Variants in GNAQ observed in about 807,000 individuals in gnomAD.
GNAQ encodes the protein guanine nucleotide-binding protein G(q) subunit alpha.
GNAQ carries 8 observed loss-of-function variants against 43.9 expected under a neutral mutation model. The observed-to-expected ratio is 0.18, with a 90% CI of 0.11 to 0.33. GNAQ has a LOEUF of 0.33. GNAQ is among the 10% of genes least tolerant of loss of function. The pLI, the probability that GNAQ is intolerant of heterozygous loss-of-function variation, is 1.00. For synonymous variants in GNAQ, 155 were observed against 170.7 expected, an observed-to-expected ratio of 0.91 and a Z score of 0.71; for missense variants, 158 against 450.8, an observed-to-expected ratio of 0.35 and a Z score of 5.88.
chr9:77,770,670 T>G (rs750745556), intron 5 of GNAQ, among the ~76,000 whole-genome samples: 16 of 152,218 alleles, frequency 1.1e-4, no homozygotes, highest in Admixed American at 2.6e-4. Context: ...GCTTTTCCTC[T>G]TGGCTTAACC....
At chr9:77,904,318 T>C (rs560159957) in intron 2 of GNAQ, among the ~76,000 whole-genome samples, 22 of 15,426 alleles carry the variant, frequency 1.4e-3, no homozygotes, top group African/African-American at 5.6e-3. Context: ...TCACACCGGC[T>C]TTTTTTTTTT....
intron 5 of GNAQ, among the ~76,000 whole-genome samples, chr9:77,739,285 A>C (rs987870065): frequency 1.3e-5 from 2 of 152,204 alleles, no homozygotes; most frequent in African/African-American, 4.8e-5. Context: ...GTGAGGCTGA[A>C]GATTTTCCAA....
chr9:77,858,516 C>T (rs1029755680), intron 2 of GNAQ, among the ~76,000 whole-genome samples: 4 of 152,060 alleles, frequency 2.6e-5, no homozygotes, highest in Non-Finnish European at 5.9e-5. Context: ...CAATCTTCTG[C>T]TCTCAGTGGA....
intron 2 of GNAQ, among the ~76,000 whole-genome samples, chr9:77,904,064 G>C (rs1274921930): frequency 6.6e-6 from 1 of 152,144 alleles, no homozygotes; most frequent in Non-Finnish European, 1.5e-5. Context: ...TTTCTGGCAA[G>C]CTGGATCAGA....
chr9:77,728,530 G>A lies in GNAQ; in HGVS notation c.873C>T (p.Tyr291=), dbSNP rs1446494691. Residue 291 remains tyrosine (Y), a synonymous_variant, in exon 6 of 7, where the codon TAC becomes TAT. Transcript: ENST00000286548. ...EKIMYSHLVD[Y]FPEYDGPQRD... ...CTGACTTACCATCATATTCTGGGAA[G>A]TAGTCGACTAGATGGGAATACATGA... 1.0e-5 allele frequency: 16 copies of A among 1,604,640 alleles called. No individual in the cohort carries two copies. Among genetic ancestry groups the A allele is most frequent in the Non-Finnish European group, 1.1e-5 (13 of 1,172,652 alleles).
chr9:77,771,647 G>A (rs1170371124), intron 5 of GNAQ, among the ~76,000 whole-genome samples: 1 of 152,142 alleles, frequency 6.6e-6, no homozygotes, highest in Non-Finnish European at 1.5e-5. Flanking sequence ...GCAGGTCCCA[G>A]TGCAAAATAA....
rs1051753036 is a variant in GNAQ at position 77,799,577 on chromosome 9, C to T, written c.477-1929G>A. Among the ~76,000 whole-genome samples, 9 of 152,086 alleles carry T rather than the reference C, an allele frequency of 5.9e-5. 1 individual carries two copies. Among genetic ancestry groups the T allele is most frequent in the African/African-American group, 2.2e-4 (9 of 41,402 alleles). ...CAGTGGTATTTCTGTATGAATGATA[C>T]CCTTAAATTTGAAACTGAATGTAAA... is the stretch of plus-strand genomic sequence containing the variant. On this transcript the variant is annotated intron_variant, in intron 3 of 6. Transcript: ENST00000286548.
rs199997220 is a variant in GNAQ at position 77,875,894 on chromosome 9, GGGAGAAAATAAA to G, written c.321+46255_321+46266del. Among the ~76,000 whole-genome samples, 432 of 152,220 alleles carry G rather than the reference GGGAGAAAATAAA, an allele frequency of 2.8e-3. 8 individuals carry two copies. The highest frequency in any genetic ancestry group is 9.7e-3 in the African/African-American group (403 of 41,546). On this transcript the variant is annotated intron_variant, in intron 2 of 6. Transcript: ENST00000286548. ...AGAGGGGAGAGTTTTGCTGAAAAGA[GGGAGAAAATAAA>G]GGGGAAAAACCTACCTATGGAGAGG... is the stretch of plus-strand genomic sequence containing the variant.
chr9:77,758,086 A>C (rs1203821387), intron 5 of GNAQ, among the ~76,000 whole-genome samples: 1 of 152,232 alleles, frequency 6.6e-6, no homozygotes, highest in Non-Finnish European at 1.5e-5. Flanking sequence ...AAGTCAGAAA[A>C]AAGTTTATCT....
chr9:77,920,192 A>C (rs996244433), intron 2 of GNAQ, among the ~76,000 whole-genome samples: 2 of 152,150 alleles, frequency 1.3e-5, no homozygotes, highest in Non-Finnish European at 2.9e-5. Flanking sequence ...AATATTCTTC[A>C]ATGTGTTACA....
intron 2 of GNAQ, among the ~76,000 whole-genome samples, chr9:77,872,135 T>C (rs1241660171): frequency 6.6e-6 from 1 of 152,260 alleles, no homozygotes; most frequent in Non-Finnish European, 1.5e-5. Context: ...TTTTATTATA[T>C]GCTATTCAAT....
At chr9:78,026,074 T>C (rs1823976217) in intron 1 of GNAQ, among the ~76,000 whole-genome samples, 1 of 152,184 alleles carries the variant, frequency 6.6e-6, no homozygotes, top group South Asian at 2.1e-4. Flanking sequence ...TTTTCTTTTT[T>C]AATGAAAAAG....
chr9:77,985,241 A>G (rs1356733423), intron 1 of GNAQ, among the ~76,000 whole-genome samples: 2 of 152,192 alleles, frequency 1.3e-5, no homozygotes, highest in Admixed American at 6.5e-5. Context: ...TGAACCCAGG[A>G]GGCGGAGCTT....
chr9:77,829,823 A>G (rs994507039), intron 2 of GNAQ, among the ~76,000 whole-genome samples: 14 of 152,158 alleles, frequency 9.2e-5, no homozygotes, highest in African/African-American at 3.4e-4. Context: ...TAAAGTTTGG[A>G]AAGTGCTGAT....
chr9:77,894,078 A>G (rs913661662), intron 2 of GNAQ, among the ~76,000 whole-genome samples: 4 of 151,970 alleles, frequency 2.6e-5, no homozygotes, highest in Non-Finnish European at 1.5e-5. Context: ...TGTGTCCTAG[A>G]GAAATTATCT....
chr9:77,988,487 T>C (rs1823469857), intron 1 of GNAQ, among the ~76,000 whole-genome samples: 1 of 152,226 alleles, frequency 6.6e-6, no homozygotes, highest in Admixed American at 6.5e-5. Flanking sequence ...TGTTTTCTCA[T>C]CTTTCTTCTT....
At chr9:77,805,210 A>G (rs1257271586) in intron 3 of GNAQ, among the ~76,000 whole-genome samples, 1 of 152,118 alleles carries the variant, frequency 6.6e-6, no homozygotes, top group Non-Finnish European at 1.5e-5. Flanking sequence ...GGCTGACAGG[A>G]GCCTGGCTGG....
intron 1 of GNAQ, among the ~76,000 whole-genome samples, chr9:77,971,854 G>A (rs890214226): frequency 2.0e-5 from 3 of 152,254 alleles, no homozygotes; most frequent in African/African-American, 7.2e-5. Flanking sequence ...CCTTGAAGAG[G>A]TCCTTCACAT....
chr9:77,940,142 G>A lies in GNAQ; in HGVS notation c.137-17797C>T, dbSNP rs564333871. ...AAGGTTGTAAAAGAGCATCTAAAAA[G>A]CTGAAGAGAAGTTATAAAGGTGAAG... On this transcript the variant is annotated intron_variant, in intron 1 of 6. Transcript: ENST00000286548. Among the ~76,000 whole-genome samples, 10 of 152,270 alleles carry A rather than the reference G, an allele frequency of 6.6e-5. No individual in the cohort carries two copies. The East Asian group carries it at 1.7e-3, about 26-fold the overall frequency.
Sources: allele counts gnomAD v4.1 joint callset (sites outside exome capture counted in the v4.1 genomes callset), GRCh38; gene constraint gnomAD v4.1.1; transcripts MANE v1.5; gene names NCBI Gene and HGNC (gene_info 2026-07-23, HGNC 2026-07-21).